The following MAP6D1 variants were observed in gnomAD, a reference collection of about 807,000 sequenced individuals.
MAP6D1 encodes the protein MAP6 domain-containing protein 1.
A neutral mutation model predicts 17.4 loss-of-function variants in MAP6D1; 13 were observed. That is an observed-to-expected ratio of 0.75 (90% CI 0.49 to 1.19). MAP6D1 has a LOEUF of 1.19. Ranked by LOEUF, MAP6D1 falls within the 50% of genes most tolerant of loss-of-function variation. The probability of loss-of-function intolerance (pLI) is 0.00; values close to 1 mark genes in which losing one functional copy is unlikely to be tolerated. For synonymous variants in MAP6D1, 141 were observed against 145.7 expected (o/e 0.97, Z 0.23); for missense variants, 313 against 312.6 (o/e 1.00, Z -0.01).
At chr3:183,825,050 C>A (rs1303498968) in intron 1 of MAP6D1, 97 bp downstream of exon 1, 7 of 1,214,300 alleles carry the variant, frequency 5.8e-6, no homozygotes, top group Non-Finnish European at 7.3e-6. Flanking sequence ...GCTCCAGGCG[C>A]CTCCGCTCTG....
At chr3:183,822,803 G>T (rs1727290971) in intron 1 of MAP6D1, among the ~76,000 whole-genome samples, 1 of 152,222 alleles carries the variant, frequency 6.6e-6, no homozygotes, top group Admixed American at 6.5e-5. Context: ...GGAAGGCCAG[G>T]GGTCCTGAGC....
Position 183,825,490 on chromosome 3 carries a change from C to G in MAP6D1, c.58G>C (p.Asp20His), listed in dbSNP as rs985747743. 5 of 1,420,148 alleles carry G rather than the reference C, an allele frequency of 3.5e-6. No individual in the cohort carries two copies. In the African/African-American group the frequency reaches 7.5e-5, roughly 21 times the overall value. The allele number at this position is 1,420,148 out of a possible 1,614,324, so 88.0% of individuals were successfully genotyped here. Residue 20 changes from aspartate (D) to histidine (H), a missense_variant, in exon 1 of 3, where the codon GAC (aspartate) becomes CAC (histidine). Transcript: ENST00000318631. ...CCLARRWNQL[D>H]RSDVAVPLTL... ...AGCGGCACCGCCACGTCGGAGCGGT[C>G]CAGCTGGTTCCAGCGCCGCGCCAGG...
rs1042853527 is a variant in MAP6D1, at chr3:183,817,075, C to T, written c.*281G>A. 15 of 446,070 alleles carry T rather than the reference C, an allele frequency of 3.4e-5. No homozygotes were observed. In the East Asian group the frequency reaches 6.3e-4, roughly 19 times the overall value. The allele number at this position is 446,070 out of a possible 1,614,324, so 27.6% of individuals were successfully genotyped here. A position where few individuals can be genotyped will look rare whatever the true frequency, so the allele number is the denominator to read the frequency against. On this transcript the variant is annotated 3_prime_UTR_variant, in exon 3 of 3. Coordinates refer to ENST00000318631, the MANE Select transcript of MAP6D1 (RefSeq NM_024871.4). ...TCCCAACTGACTTGATCCTCAGGCT[C>T]CTCAGAGATTTCAAAACTGAGAGAC... is the stretch of plus-strand genomic sequence containing the variant.
chr3:183,822,381 C>A (rs1350618802), intron 1 of MAP6D1, among the ~76,000 whole-genome samples: 1 of 151,874 alleles, frequency 6.6e-6, no homozygotes, highest in Non-Finnish European at 1.5e-5. Context: ...GTTGAGGCTG[C>A]AGTGAACTGA....
rs1228804518 is a variant in MAP6D1, at chr3:183,816,315, T to G, written c.*1041A>C. 1 of 152,206 alleles carries G rather than the reference T, an allele frequency of 6.6e-6. No homozygotes were observed. The highest frequency in any genetic ancestry group is 1.5e-5 in the Non-Finnish European group (1 of 68,050). The allele number at this position is 152,206 out of a possible 1,614,324, so 9.4% of individuals were successfully genotyped here. ...AAAGATCCAAAGGGAAATCCACAAA[T>G]TTCCTTACTGAAGACTGTCCTGAGC... On this transcript the variant is annotated 3_prime_UTR_variant, in exon 3 of 3. Transcript: ENST00000318631.
In MAP6D1 at chr3:183,825,234, G is replaced by A; in HGVS notation, c.314C>T (p.Ser105Phe). 2.8e-6 allele frequency: 4 copies of A among 1,413,366 alleles called. No individual in the cohort carries two copies. Among genetic ancestry groups the A allele is most frequent in the Non-Finnish European group, 2.8e-6 (3 of 1,082,874 alleles). 87.6% of individuals were successfully genotyped at this position (1,413,366 alleles called of 1,614,324 possible). The change falls in exon 1 of 3, where the codon TCC (serine) becomes TTC (phenylalanine). Residue 105 changes from serine to phenylalanine, a missense_variant. By Grantham distance (155) the Ser-to-Phe change is radical. Transcript: ENST00000318631. ...GCGGGCGCCGGGCGCAGGTGGCGCGGAGGACTGCGCGGAGGATTTGCCCCT... is the reference window on the plus strand; with the variant it reads ...GCGGGCGCCGGGCGCAGGTGGCGCGAAGGACTGCGCGGAGGATTTGCCCCT... ...GRRGKSSAQS[S>F]APPAPGARGV...
chr3:183,819,385 C>T (rs1197633999), intron 1 of MAP6D1, among the ~76,000 whole-genome samples: 1 of 152,234 alleles, frequency 6.6e-6, no homozygotes, highest in African/African-American at 2.4e-5. Context: ...CCCTTCTGTC[C>T]CCAAAACACT....
chr3:183,820,401 C>G (rs1018730448), intron 1 of MAP6D1: 1 of 152,310 alleles, frequency 6.6e-6, no homozygotes, highest in East Asian at 1.9e-4. Context: ...TGTTTCTGCC[C>G]GAATTGGGGG....
chr3:183,819,910 C>A (rs2582090), intron 1 of MAP6D1, among the ~76,000 whole-genome samples: 68,398 of 152,130 alleles, frequency 0.45, 15,892 homozygotes, highest in Middle Eastern at 0.64. Flanking sequence ...CCCACCTAGG[C>A]AGGAAGGAGG....
In MAP6D1 at chr3:183,816,382, C is replaced by T. The variant is rs1061594; in HGVS notation, c.*974G>A. On this transcript the variant is annotated 3_prime_UTR_variant, in exon 3 of 3. Coordinates refer to ENST00000318631, the MANE Select transcript of MAP6D1 (RefSeq NM_024871.4). ...TAAAAAGAGACGAAGACCCCTCAAA[C>T]GTGTGAAGGCACCAGGCGTGACCCA... The T allele has an allele frequency of 0.41, 62,266 of 152,078 alleles. 13,340 individuals carry two copies. Among genetic ancestry groups the T allele is most frequent in the Middle Eastern group, 0.54 (158 of 294 alleles). The allele number at this position is 152,078 out of a possible 1,614,324, so 9.4% of individuals were successfully genotyped here.
At chr3:183,821,930 G>T (rs1038897797) in intron 1 of MAP6D1, among the ~76,000 whole-genome samples, 1 of 151,960 alleles carries the variant, frequency 6.6e-6, no homozygotes, top group Non-Finnish European at 1.5e-5. Flanking sequence ...CAAAATGCTG[G>T]GATTACAGGT....
intron 1 of MAP6D1, among the ~76,000 whole-genome samples, chr3:183,821,561 T>C (rs944621582): frequency 6.7e-6 from 1 of 150,196 alleles, no homozygotes; most frequent in South Asian, 2.2e-4. Context: ...TTTTTTTTTT[T>C]TTGAGATGGA....
intron 1 of MAP6D1, among the ~76,000 whole-genome samples, chr3:183,821,454 C>G (rs144607600): frequency 6.6e-6 from 1 of 151,328 alleles, no homozygotes; most frequent in Non-Finnish European, 1.5e-5. Flanking sequence ...GCAGAGAAGG[C>G]GACAGCTAGT....
chr3:183,817,146 CAA>C lies in MAP6D1; in HGVS notation c.*208_*209del, dbSNP rs920871649. On this transcript the variant is annotated 3_prime_UTR_variant, in exon 3 of 3. Transcript: ENST00000318631. ...ACGCAGGAGCCTTCCACAGGCTTCT[CAA>C]GAGGATGCTTGAGGCTGAGCTGGGT... is the stretch of plus-strand genomic sequence containing the variant. 1.6e-5 allele frequency: 9 copies of C among 561,146 alleles called. No homozygotes were observed. Among genetic ancestry groups the C allele is most frequent in the African/African-American group, 5.7e-5 (3 of 52,638 alleles). The allele number at this position is 561,146 out of a possible 1,614,324, so 34.8% of individuals were successfully genotyped here.
At chr3:183,824,876 C>A (rs1396530068) in intron 1 of MAP6D1, among the ~76,000 whole-genome samples, 1 of 152,214 alleles carries the variant, frequency 6.6e-6, no homozygotes, top group Non-Finnish European at 1.5e-5. Context: ...CTGACGGCTG[C>A]CCCCAGGAGG....
At chr3:183,817,459 A>AT in intron 2 of MAP6D1, 23 bp from the exon 3 acceptor site, 1 of 1,550,128 alleles carries the variant, frequency 6.5e-7, no homozygotes, top group Non-Finnish European at 8.7e-7. Flanking sequence ...GTGTGGCCAC[A>AT]TATCAGTGGG....
chr3:183,824,650 G>A (rs953379767), intron 1 of MAP6D1, among the ~76,000 whole-genome samples: 7 of 152,230 alleles, frequency 4.6e-5, no homozygotes, highest in African/African-American at 1.7e-4. Flanking sequence ...GGGAGGGCCC[G>A]CGGACCCGTT....
chr3:183,822,975 C>T (rs1049066444), intron 1 of MAP6D1, among the ~76,000 whole-genome samples: 1 of 152,192 alleles, frequency 6.6e-6, no homozygotes, highest in African/African-American at 2.4e-5. Flanking sequence ...CTCCTCTTTA[C>T]TAGGGATGTT....
rs1266038451 is a variant in MAP6D1, at chr3:183,825,443, G to A, written c.105C>T (p.Asp35=). The A allele has an allele frequency of 1.4e-6, 2 of 1,440,648 alleles. No homozygotes were observed. Among genetic ancestry groups the A allele is most frequent in the African/African-American group, 1.5e-5 (1 of 67,050 alleles). 89.2% of individuals were successfully genotyped at this position (1,440,648 alleles called of 1,614,324 possible). The change falls in exon 1 of 3, where the codon GAC becomes GAT. Residue 35 remains aspartate, a synonymous_variant. Transcript: ENST00000318631. ...CCGTGCCCGGCTCCTCGCTGTCGAG[G>A]TCCGAGTAGCCGTGCAGAGTGAGCG... The part of the protein sequence containing the change: ...AVPLTLHGYS[D]LDSEEPGTGG...
Sources: allele counts gnomAD v4.1 joint callset (sites outside exome capture counted in the v4.1 genomes callset), GRCh38; gene constraint gnomAD v4.1.1; transcripts MANE v1.5; gene names NCBI Gene and HGNC (gene_info 2026-07-23, HGNC 2026-07-21).